The following TUBGCP3 variants were observed in gnomAD, a reference collection of about 807,000 sequenced individuals.
TUBGCP3 encodes gamma-tubulin complex component 3.
Under a neutral mutation model 123.1 loss-of-function variants are expected in TUBGCP3, and 50 were observed. The ratio of observed to expected loss-of-function variants is 0.41; its 90% CI spans 0.32 to 0.51. The LOEUF is 0.51. Among genes scored for constraint, TUBGCP3 ranks in the 20% least tolerant of loss-of-function variants. The pLI, the probability that TUBGCP3 is intolerant of heterozygous loss-of-function variation, is 0.36. For missense variants in TUBGCP3, 882 were observed against 1,127.0 expected (o/e 0.78, Z 3.11); for synonymous variants, 405 against 413.9 (o/e 0.98, Z 0.26).
intron 8 of TUBGCP3, among the ~76,000 whole-genome samples, chr13:112,551,495 G>A (rs1011591009): frequency 6.6e-6 from 1 of 152,152 alleles, no homozygotes; most frequent in Non-Finnish European, 1.5e-5. Context: ...GAGAGCACAC[G>A]CTGGCTCTTC....
At chr13:112,548,054 A>G in intron 9 of TUBGCP3, 54 bp downstream of exon 9, 1 of 1,363,826 alleles carries the variant, frequency 7.3e-7, no homozygotes, top group Non-Finnish European at 1.0e-6. Flanking sequence ...ATATAGCTTC[A>G]ATTTTGTAAC....
intron 1 of TUBGCP3, among the ~76,000 whole-genome samples, chr13:112,581,938 T>C (rs1271562932): frequency 6.6e-6 from 1 of 152,182 alleles, no homozygotes; most frequent in Non-Finnish European, 1.5e-5. Context: ...TCACCCCCAC[T>C]TACCTCTTCA....
chr13:112,580,862 T>C (rs1401371335), intron 1 of TUBGCP3, among the ~76,000 whole-genome samples: 2 of 152,234 alleles, frequency 1.3e-5, no homozygotes, highest in Non-Finnish European at 2.9e-5. Context: ...GTTGATTCTA[T>C]TTCTAAAAGC....
At chr13:112,492,428 TTAA>T (rs1244450981) in intron 20 of TUBGCP3, among the ~76,000 whole-genome samples, 2 of 152,254 alleles carry the variant, frequency 1.3e-5, no homozygotes, top group Non-Finnish European at 2.9e-5. Context: ...CATGAACAGC[TTAA>T]TAAGTTATCA....
rs1233129155 is a variant in TUBGCP3 at position 112,519,900 on chromosome 13, C to A, written c.1867G>T (p.Val623Leu). 4 of 1,613,534 alleles carry A rather than the reference C, an allele frequency of 2.5e-6. No individual in the cohort carries two copies. The South Asian group carries it at 4.4e-5, about 18-fold the overall frequency. ...DSPEILRRLD[V>L]RLLEVSPGDT... ...AGCCGCAGTACCTCCAGCAGCCGCA[C>A]GTCCAGCCTTCGCAGGATCTCAGGA... Residue 623 changes from valine to leucine, a missense_variant, in exon 15 of 22, where the codon GTG becomes TTG. Val to Leu is a conservative substitution (Grantham distance 32). Around this residue, in one of 3 missense-constraint regions of TUBGCP3, gnomAD observed 713 missense variants for 874.0 expected, o/e 0.82. Coordinates refer to ENST00000261965, the MANE Select transcript of TUBGCP3 (RefSeq NM_006322.6). The surrounding 1 kb of genome is among the most constrained non-coding windows in gnomAD (Gnocchi z 6.2).
intron 17 of TUBGCP3, among the ~76,000 whole-genome samples, chr13:112,514,272 A>G: frequency 9.0e-6 from 1 of 110,506 alleles, no homozygotes; most frequent in Non-Finnish European, 1.7e-5. Flanking sequence ...ATACTATCTG[A>G]GGTTTCAGGC....
chr13:112,552,288 G>T (rs927581775), intron 8 of TUBGCP3, among the ~76,000 whole-genome samples: 1 of 152,190 alleles, frequency 6.6e-6, no homozygotes, highest in African/African-American at 2.4e-5. Flanking sequence ...AAGTTGACTG[G>T]GACCTATCAG....
At position 112,485,067 on chromosome 13, in the gene TUBGCP3, T is replaced by G. The variant is rs941707223; in HGVS notation, c.*926A>C. The G allele has an allele frequency of 6.6e-6, 1 of 152,610 alleles. No individual in the cohort carries two copies. Among genetic ancestry groups the G allele is most frequent in the Non-Finnish European group, 1.5e-5 (1 of 68,042 alleles). 9.5% of individuals were successfully genotyped at this position (152,610 alleles called of 1,614,324 possible). ...TTCACTTATGCAACATAAAGGCAGA[T>G]TTATGTGACCTGATAATGACATTTT... On this transcript the variant is annotated 3_prime_UTR_variant, in exon 22 of 22. Coordinates refer to ENST00000261965, the MANE Select transcript of TUBGCP3 (RefSeq NM_006322.6).
intron 19 of TUBGCP3, among the ~76,000 whole-genome samples, chr13:112,500,889 C>T (rs891923364): frequency 6.6e-6 from 1 of 152,238 alleles, no homozygotes; most frequent in Non-Finnish European, 1.5e-5. Context: ...TTTGCTAAGT[C>T]ACAGCAGCAC....
At chr13:112,562,301 A>C (rs1232037959) in intron 3 of TUBGCP3, among the ~76,000 whole-genome samples, 13 of 152,024 alleles carry the variant, frequency 8.6e-5, no homozygotes, top group Admixed American at 8.5e-4. Context: ...CTACTAGGGA[A>C]CACCACCAGC....
chr13:112,504,795 A>C, intron 17 of TUBGCP3, 81 bp from the exon 18 acceptor site: 1 of 1,151,176 alleles, frequency 8.7e-7, no homozygotes, highest in Non-Finnish European at 1.3e-6. Context: ...CCCACCTGCA[A>C]GCTATCTTAA....
chr13:112,590,881 C>T (rs986110987), upstream of TUBGCP3, among the ~76,000 whole-genome samples: 2 of 152,168 alleles, frequency 1.3e-5, no homozygotes, highest in African/African-American at 4.8e-5. Flanking sequence ...TAAGATCAGC[C>T]CTTATGGGTA....
chr13:112,494,572 C>G (rs546641165), intron 20 of TUBGCP3, among the ~76,000 whole-genome samples: 46 of 152,344 alleles, frequency 3.0e-4, no homozygotes, highest in Non-Finnish European at 5.1e-4. Context: ...CTTGTCTTTC[C>G]TTGAGCCACA....
intron 11 of TUBGCP3, among the ~76,000 whole-genome samples, chr13:112,537,105 T>A (rs1025873015): frequency 6.7e-6 from 1 of 149,218 alleles, no homozygotes; most frequent in Non-Finnish European, 1.5e-5. Flanking sequence ...AATCTGGCTA[T>A]CTGGATGCTT....
chr13:112,510,772 G>A (rs1023264353), intron 17 of TUBGCP3, among the ~76,000 whole-genome samples: 1 of 152,146 alleles, frequency 6.6e-6, no homozygotes, highest in Non-Finnish European at 1.5e-5. Flanking sequence ...GATGGGGTGG[G>A]GACTCCCCCA....
chr13:112,570,100 C>T (rs1461271771), intron 1 of TUBGCP3, among the ~76,000 whole-genome samples: 2 of 152,018 alleles, frequency 1.3e-5, no homozygotes, highest in Non-Finnish European at 2.9e-5. Context: ...GGGTCCTCCA[C>T]CCAATCCCAC....
At chr13:112,490,924 T>G (rs1164063614) in intron 20 of TUBGCP3, among the ~76,000 whole-genome samples, 1 of 152,226 alleles carries the variant, frequency 6.6e-6, no homozygotes, top group Non-Finnish European at 1.5e-5. Flanking sequence ...CTTTCTCTCA[T>G]GGGGCCAATT....
chr13:112,554,057 C>T lies in TUBGCP3; in HGVS notation c.966G>A (p.Gln322=), dbSNP rs768203243. ...AGCATCCTAGGAACCATGAACGCAC[C>T]TGCCCGACGAGTCCGAATGAGCGGT... is the stretch of plus-strand genomic sequence containing the variant. ...SLDRSFGLVG[Q]SFCAALHQEL... The change falls in exon 8 of 22, where the codon CAG becomes CAA. Residue 322 remains glutamine (Q), a splice_region_variant and synonymous_variant. Coordinates refer to ENST00000261965, the MANE Select transcript of TUBGCP3 (RefSeq NM_006322.6). 19 of 1,610,434 alleles carry T rather than the reference C, an allele frequency of 1.2e-5. No homozygotes were observed. Among genetic ancestry groups the T allele is most frequent in the Non-Finnish European group, 1.5e-5 (18 of 1,179,088 alleles).
intron 17 of TUBGCP3, among the ~76,000 whole-genome samples, chr13:112,506,595 C>T: frequency 6.6e-6 from 1 of 152,148 alleles, no homozygotes; most frequent in South Asian, 2.1e-4. Flanking sequence ...CTCCACATAC[C>T]CCAAGTATCT....
Sources: allele counts gnomAD v4.1 joint callset (sites outside exome capture counted in the v4.1 genomes callset), GRCh38; gene constraint gnomAD v4.1.1; regional missense constraint gnomAD v4.1.1; non-coding constraint Gnocchi (gnomAD v3.1); transcripts MANE v1.5; gene names NCBI Gene and HGNC (gene_info 2026-07-23, HGNC 2026-07-21).